NPAS2: variants seen among roughly 807,000 people sequenced by gnomAD.
The protein encoded by NPAS2 is neuronal PAS domain-containing protein 2.
Under a neutral mutation model 107.5 loss-of-function variants are expected in NPAS2, and 23 were observed. The observed-to-expected ratio is 0.21, with a 90% CI of 0.15 to 0.30. The LOEUF (loss-of-function observed/expected upper bound fraction) is 0.30. Ranked by LOEUF, NPAS2 falls within the 10% of genes least tolerant of loss-of-function variation. The pLI is 1.00. For missense variants in NPAS2, 756 were observed against 1,043.3 expected, an observed-to-expected ratio of 0.72 and a Z score of 3.79; for synonymous variants, 403 against 417.5, an observed-to-expected ratio of 0.97 and a Z score of 0.42.
At chr2:100,916,954 T>C (rs35384393) in intron 2 of NPAS2, among the ~76,000 whole-genome samples, 22,116 of 152,142 alleles carry the variant, frequency 0.15, 1,786 homozygotes, top group South Asian at 0.18. Flanking sequence ...TCAAGGATAT[T>C]AGAAAATATT....
chr2:100,940,854 G>C (rs1234214934), intron 5 of NPAS2, among the ~76,000 whole-genome samples: 1 of 152,220 alleles, frequency 6.6e-6, no homozygotes, highest in African/African-American at 2.4e-5. Context: ...CAGAAAGGGA[G>C]AATGAGGAGC....
chr2:100,869,230 T>TTG (rs377666577), intron 1 of NPAS2, among the ~76,000 whole-genome samples: 21 of 152,254 alleles, frequency 1.4e-4, no homozygotes, highest in African/African-American at 4.8e-4. Context: ...GCCACCATGC[T>TTG]TGGTCTAAAC....
At chr2:100,847,412 C>G (rs374106424) in intron 1 of NPAS2, among the ~76,000 whole-genome samples, 1 of 152,296 alleles carries the variant, frequency 6.6e-6, no homozygotes, top group South Asian at 2.1e-4. Flanking sequence ...CTCTTTCGCC[C>G]AGGCTGGAGT....
chr2:100,936,890 G>A (rs1271081531), intron 4 of NPAS2, among the ~76,000 whole-genome samples: 1 of 148,696 alleles, frequency 6.7e-6, no homozygotes, highest in Non-Finnish European at 1.5e-5. Flanking sequence ...ACTGAAGCAG[G>A]AGAATCGCTT....
intron 16 of NPAS2, chr2:100,984,454 A>C (rs544408574): frequency 1.3e-5 from 2 of 152,356 alleles, no homozygotes; most frequent in East Asian, 3.9e-4. Flanking sequence ...CCAAGGTTTC[A>C]TTATATTACT....
At chr2:100,920,155 G>T (rs1232661110) in intron 2 of NPAS2, among the ~76,000 whole-genome samples, 1 of 152,162 alleles carries the variant, frequency 6.6e-6, no homozygotes, top group African/African-American at 2.4e-5. Context: ...GTCAAAGGGG[G>T]AGGGAGTGGG....
chr2:100,896,584 G>A (rs1244938919), intron 1 of NPAS2, among the ~76,000 whole-genome samples: 2 of 152,238 alleles, frequency 1.3e-5, no homozygotes, highest in African/African-American at 4.8e-5. Flanking sequence ...TTCCTGAAGA[G>A]CCCTGGCTGC....
At chr2:100,872,212 G>T (rs2104578517) in intron 1 of NPAS2, among the ~76,000 whole-genome samples, 1 of 152,304 alleles carries the variant, frequency 6.6e-6, no homozygotes, top group African/African-American at 2.4e-5. Context: ...TGATGGCCTT[G>T]TGGTCAGAAG....
chr2:100,982,585 C>T (rs979882289), intron 16 of NPAS2: 4 of 598,600 alleles, frequency 6.7e-6, no homozygotes, highest in Non-Finnish European at 1.2e-5. Context: ...CCCCTGATGT[C>T]CTCTTCCCTC....
intron 4 of NPAS2, among the ~76,000 whole-genome samples, chr2:100,936,938 T>TGC (rs1558888713): frequency 1.5e-4 from 20 of 136,516 alleles, no homozygotes; most frequent in Non-Finnish European, 2.7e-4. Context: ...GCCGAGATCA[T>TGC]GCCACTGCAC....
chr2:100,848,171 G>A (rs1251120174), intron 1 of NPAS2, among the ~76,000 whole-genome samples: 2 of 152,108 alleles, frequency 1.3e-5, no homozygotes, highest in South Asian at 2.1e-4. Context: ...TGGGAGATTC[G>A]ACTGGACTCA....
intron 1 of NPAS2, among the ~76,000 whole-genome samples, chr2:100,827,571 T>C (rs1211900668): frequency 1.3e-5 from 2 of 152,182 alleles, no homozygotes; most frequent in Non-Finnish European, 2.9e-5. Flanking sequence ...TCAGTACCTG[T>C]TGTTGCCATC....
intron 7 of NPAS2, among the ~76,000 whole-genome samples, chr2:100,953,777 C>T (rs1285530930): frequency 6.6e-6 from 1 of 152,208 alleles, no homozygotes; most frequent in Non-Finnish European, 1.5e-5. Flanking sequence ...ACATCTGTGT[C>T]GGAATGAAAC....
intron 1 of NPAS2, among the ~76,000 whole-genome samples, chr2:100,874,478 A>G (rs934230031): frequency 6.6e-6 from 1 of 152,124 alleles, no homozygotes; most frequent in Non-Finnish European, 1.5e-5. Flanking sequence ...ACGGTGGCTC[A>G]TGCCTGTAAT....
chr2:100,895,148 A>C (rs771269193), intron 1 of NPAS2, among the ~76,000 whole-genome samples: 7 of 152,136 alleles, frequency 4.6e-5, no homozygotes, highest in Non-Finnish European at 8.8e-5. Flanking sequence ...GGTAGAAGGG[A>C]ATGATTATCC....
In NPAS2 at chr2:100,974,815, A is replaced by C. The variant is rs1676857827; in HGVS notation, c.1153A>C (p.Ser385Arg). ...GTGTGTGTTTCAGGACAAGGGCTCAAGCCTGGAACCTCGGCAGCACTTTAA... is the reference window on the plus strand; with the variant it reads ...GTGTGTGTTTCAGGACAAGGGCTCACGCCTGGAACCTCGGCAGCACTTTAA... The part of the protein sequence containing the change: ...HSSALKDKGS[S>R]LEPRQHFNTL... Residue 385 changes from serine to arginine, a missense_variant, in exon 13 of 21, where the codon AGC becomes CGC. Physicochemically the swap from Ser to Arg is moderately radical, Grantham distance 110. Around this residue, in one of 4 missense-constraint regions of NPAS2, gnomAD observed 496 missense variants for 594.4 expected, o/e 0.83. Transcript: ENST00000335681. The C allele has an allele frequency of 3.7e-6, 6 of 1,614,020 alleles. No individual in the cohort carries two copies. The highest frequency in any genetic ancestry group is 5.1e-6 in the Non-Finnish European group (6 of 1,179,950).
At chr2:100,882,868 T>C (rs1386355559) in intron 1 of NPAS2, among the ~76,000 whole-genome samples, 1 of 152,198 alleles carries the variant, frequency 6.6e-6, no homozygotes, top group African/African-American at 2.4e-5. Flanking sequence ...GTTTGGTGGC[T>C]GTTCTGAGAC....
chr2:100,959,867 TG>T lies in NPAS2; in HGVS notation c.599-4189del, dbSNP rs148760964. ...TACTTAATTGTTCTGATGACTGAGC[TG>T]GTAATTCAGTGGAACAGAGCCAGAC... On this transcript the variant is annotated intron_variant, in intron 7 of 20. Transcript: ENST00000335681. 1.4e-3 allele frequency among the ~76,000 whole-genome samples: 208 copies of T among 152,348 alleles called. 5 individuals are homozygous for T. In the East Asian group the frequency reaches 0.032, roughly 24 times the overall value.
intron 7 of NPAS2, among the ~76,000 whole-genome samples, chr2:100,957,903 G>A (rs1005981098): frequency 6.6e-6 from 1 of 152,162 alleles, no homozygotes; most frequent in Non-Finnish European, 1.5e-5. Context: ...ACTCCAGCCT[G>A]GGCGACAGAG....
Sources: allele counts gnomAD v4.1 joint callset (sites outside exome capture counted in the v4.1 genomes callset), GRCh38; gene constraint gnomAD v4.1.1; regional missense constraint gnomAD v4.1.1; transcripts MANE v1.5; gene names NCBI Gene and HGNC (gene_info 2026-07-23, HGNC 2026-07-21).